The following PRDM10 variants were observed in gnomAD, a reference collection of about 807,000 sequenced individuals.
PRDM10 encodes the protein PR/SET domain 10.
Under a neutral mutation model 133.1 loss-of-function variants are expected in PRDM10, and 65 were observed. The ratio of observed to expected loss-of-function variants is 0.49; its 90% confidence interval spans 0.40 to 0.60. The LOEUF (loss-of-function observed/expected upper bound fraction) is 0.60, where lower values mean the gene tolerates loss of function less well. PRDM10 is among the 20% of genes least tolerant of loss of function. The pLI is 0.00. For missense variants in PRDM10, 1,137 were observed against 1,507.1 expected (o/e 0.75, Z 4.07); for synonymous variants, 582 against 580.4 (o/e 1.00, Z -0.04).
At chr11:129,949,499 A>C (rs1482868376) in intron 4 of PRDM10, among the ~76,000 whole-genome samples, 1 of 152,256 alleles carries the variant, frequency 6.6e-6, no homozygotes, top group Non-Finnish European at 1.5e-5. Context: ...AATGAAGATT[A>C]ATTTGTTGAA....
intron 11 of PRDM10, chr11:129,929,401 CA>C: frequency 6.4e-7 from 1 of 1,567,046 alleles, no homozygotes; most frequent in Admixed American, 1.9e-5. Flanking sequence ...ACACAGGAAA[CA>C]AACCTACCTG....
chr11:129,908,890 CTAATTTTTTTTGTGTTTT>C (rs1280714507), intron 19 of PRDM10, among the ~76,000 whole-genome samples: 1 of 151,770 alleles, frequency 6.6e-6, no homozygotes, highest in Non-Finnish European at 1.5e-5. Flanking sequence ...CCAGACGTGG[CTAATTTTTTTTGTGTTTT>C]TAATAGAGAT....
intron 18 of PRDM10, 51 bp from the exon 19 acceptor site, chr11:129,910,707 T>G: frequency 7.2e-7 from 1 of 1,386,542 alleles, no homozygotes; most frequent in Non-Finnish European, 9.7e-7. Flanking sequence ...TCTAATATAG[T>G]GAAGACTCAC....
intron 1 of PRDM10, among the ~76,000 whole-genome samples, chr11:129,971,901 G>A (rs1952036115): frequency 6.6e-6 from 1 of 152,240 alleles, no homozygotes; most frequent in South Asian, 2.1e-4. Flanking sequence ...TCGTCGGGGA[G>A]GCTTGGGCTG....
Position 129,925,050 on chromosome 11 carries a change from GGATGT to G in PRDM10, c.1705_1709del (p.Thr569LeufsTer24), listed in dbSNP as rs749130294. 7 of 1,614,082 alleles carry G rather than the reference GGATGT, an allele frequency of 4.3e-6. No individual in the cohort carries two copies. Reference sequence around the variant, plus strand: ...AGTGGAGCTTCATGTGGCTCTCCAAGGATGTGCTGCTGATGAAGCCCTTGTTACAG... The same window carrying G: ...AGTGGAGCTTCATGTGGCTCTCCAAGGCTGCTGATGAAGCCCTTGTTACAG... On this transcript the variant is annotated frameshift_variant, in exon 12 of 21. Coordinates refer to ENST00000360871, the MANE Select transcript of PRDM10 (RefSeq NM_199437.2). LOFTEE classifies it high-confidence loss of function.
chr11:129,992,034 A>C (rs1262408092), intron 1 of PRDM10, among the ~76,000 whole-genome samples: 1 of 152,188 alleles, frequency 6.6e-6, no homozygotes, highest in Non-Finnish European at 1.5e-5. Flanking sequence ...CAGGAGACAC[A>C]AAATAGAAGC....
chr11:129,920,056 T>C (rs1950477263), intron 13 of PRDM10, among the ~76,000 whole-genome samples: 1 of 152,196 alleles, frequency 6.6e-6, no homozygotes, highest in Admixed American at 6.5e-5. Flanking sequence ...CAAAGCACTG[T>C]TGCATTGCCA....
At chr11:129,983,640 G>C (rs1440181355) in intron 1 of PRDM10, among the ~76,000 whole-genome samples, 1 of 152,174 alleles carries the variant, frequency 6.6e-6, no homozygotes, top group Non-Finnish European at 1.5e-5. Flanking sequence ...CACTGTAATG[G>C]TTCACTCCTA....
chr11:129,935,041 A>G, intron 9 of PRDM10, 60 bp downstream of exon 9: 3 of 1,421,130 alleles, frequency 2.1e-6, no homozygotes, highest in Non-Finnish European at 3.0e-6. Flanking sequence ...AGTGGACAAT[A>G]TAGAAATGAT....
At chr11:129,950,617 C>T (rs1951558607) in intron 4 of PRDM10, among the ~76,000 whole-genome samples, 1 of 152,182 alleles carries the variant, frequency 6.6e-6, no homozygotes, top group Non-Finnish European at 1.5e-5. Context: ...AAGGAAGTGA[C>T]TGTATTCCTG....
chr11:129,915,689 G>A lies in PRDM10; in HGVS notation c.2497C>T (p.Pro833Ser), dbSNP rs1950335838. 1.2e-6 allele frequency: 2 copies of A among 1,613,228 alleles called. No individual in the cohort carries two copies. Among genetic ancestry groups the A allele is most frequent in the Non-Finnish European group, 1.7e-6 (2 of 1,179,494 alleles). Residue 833 changes from proline (P) to serine (S), a missense_variant, in exon 16 of 21, where the codon CCC becomes TCC. Transcript: ENST00000360871. Reference sequence around the variant, plus strand: ...CTGCTGTACTGCTTGGAGCAGTGGGGACAGCAGACGGGAGGGGTGGCGATG... The same window carrying A: ...CTGCTGTACTGCTTGGAGCAGTGGGAACAGCAGACGGGAGGGGTGGCGATG... Reference protein sequence around the residue: ...GTIATPPVCCPHCSKQYSSKT... With the variant: ...GTIATPPVCCSHCSKQYSSKT...
At position 129,947,304 on chromosome 11, in the gene PRDM10, C is replaced by A. The variant is rs1420457423; in HGVS notation, c.361G>T (p.Ala121Ser). 2 of 1,613,784 alleles carry A rather than the reference C, an allele frequency of 1.2e-6. No homozygotes were observed. The highest frequency in any genetic ancestry group is 1.7e-6 in the Non-Finnish European group (2 of 1,179,968). Reference protein sequence around the residue: ...IESVDGSDPLATLQTPLGRLE... With the variant: ...IESVDGSDPLSTLQTPLGRLE... ...CTGCCTAGAGGGGTCTGCAGAGTTGCCAAAGGGTCGGACCCATCTACACTC... is the reference window on the plus strand; with the variant it reads ...CTGCCTAGAGGGGTCTGCAGAGTTGACAAAGGGTCGGACCCATCTACACTC... Residue 121 changes from alanine to serine, a missense_variant, in exon 5 of 21, where the codon GCA becomes TCA. Physicochemically the swap from Ala to Ser is moderately conservative, Grantham distance 99 (BLOSUM62 1). Coordinates refer to ENST00000360871, the MANE Select transcript of PRDM10 (RefSeq NM_199437.2). This position sits in a 1 kb window ranked among gnomAD's most constrained non-coding sequence, Gnocchi z 4.6.
chr11:129,977,574 G>A (rs1018464154), intron 1 of PRDM10, among the ~76,000 whole-genome samples: 6 of 152,132 alleles, frequency 3.9e-5, no homozygotes, highest in African/African-American at 1.2e-4. Flanking sequence ...GAGCCACTGC[G>A]CCCAGCCTAA....
At chr11:129,942,087 G>A (rs1453890632) in intron 7 of PRDM10, among the ~76,000 whole-genome samples, 1 of 152,140 alleles carries the variant, frequency 6.6e-6, no homozygotes, top group African/African-American at 2.4e-5. Context: ...GTAGAAATGG[G>A]GTTTTGCCAT....
rs548281497 is a variant in PRDM10, at chr11:129,931,035, C to A, written c.1511G>T (p.Arg504Leu). The change falls in exon 11 of 21, where the codon CGC (arginine) becomes CTC (leucine). Residue 504 changes from arginine (R) to leucine (L), a missense_variant. By Grantham distance (102) the Arg-to-Leu change is moderately radical. Coordinates refer to ENST00000360871, the MANE Select transcript of PRDM10 (RefSeq NM_199437.2). Reference sequence around the variant, plus strand: ...ACTTACTCGGATGCGCTTGGCTCTGCGCATGTCGTCGGCTGTCAGCGTGCT... The same window carrying A: ...ACTTACTCGGATGCGCTTGGCTCTGAGCATGTCGTCGGCTGTCAGCGTGCT... The part of the protein sequence containing the change: ...TQSTLTADDM[R>L]RAKRIRNAAL... 1.9e-6 allele frequency: 3 copies of A among 1,612,750 alleles called. No individual in the cohort carries two copies. Among genetic ancestry groups the A allele is most frequent in the Admixed American group, 1.7e-5 (1 of 59,908 alleles).
At chr11:129,987,746 A>G (rs1024416857) in intron 1 of PRDM10, among the ~76,000 whole-genome samples, 1 of 152,258 alleles carries the variant, frequency 6.6e-6, no homozygotes, top group African/African-American at 2.4e-5. Context: ...CACGCCTGTA[A>G]TCCCAGCCCT....
At position 129,900,335 on chromosome 11, in the gene PRDM10, T is replaced by C. The variant is rs1055500665; in HGVS notation, c.*1978A>G. On this transcript the variant is annotated 3_prime_UTR_variant, in exon 21 of 21. Coordinates refer to ENST00000360871, the MANE Select transcript of PRDM10 (RefSeq NM_199437.2). The stretch of plus-strand genomic sequence containing the variant: ...ATTAGTTTTAGAGTCTTTATTTCAC[T>C]TAAGGACCAAAGAAGAAGAAGAAGA... 2 of 134,672 alleles carry C rather than the reference T, an allele frequency of 1.5e-5. No homozygotes were observed. Among genetic ancestry groups the C allele is most frequent in the African/African-American group, 6.2e-5 (2 of 32,520 alleles). 8.3% of individuals were successfully genotyped at this position (134,672 alleles called of 1,614,324 possible). A position where few individuals can be genotyped will look rare whatever the true frequency, so the allele number is the denominator to read the frequency against.
chr11:129,930,125 C>T (rs1314999355), intron 11 of PRDM10, among the ~76,000 whole-genome samples: 1 of 152,168 alleles, frequency 6.6e-6, no homozygotes, highest in Non-Finnish European at 1.5e-5. Flanking sequence ...CCCTTCTAGC[C>T]TAGAGGCAAA....
intron 2 of PRDM10, 90 bp downstream of exon 2, chr11:129,960,806 T>A: frequency 7.3e-7 from 1 of 1,362,982 alleles, no homozygotes; most frequent in Non-Finnish European, 1.0e-6. Flanking sequence ...GACTAGTCAC[T>A]ACTAGATAGC....
Sources: gnomAD v4.1 joint callset for allele counts (sites outside exome capture counted in the v4.1 genomes callset) on GRCh38, gnomAD v4.1.1 for gene constraint, Gnocchi (gnomAD v3.1) non-coding constraint, MANE v1.5 for transcripts, NCBI Gene and HGNC (gene_info 2026-07-23, HGNC 2026-07-21) for gene names.